EFNA5: variants seen among roughly 807,000 people sequenced by gnomAD.
EFNA5 encodes the protein ephrin-A5.
EFNA5 carries 5 observed loss-of-function variants against 22.9 expected under a neutral mutation model. That is an observed-to-expected ratio of 0.22 (90% confidence interval 0.11 to 0.46). The LOEUF (loss-of-function observed/expected upper bound fraction) is 0.46. EFNA5 is among the 20% of genes least tolerant of loss of function. EFNA5 has a pLI of 0.99. For missense variants in EFNA5, 237 were observed against 293.3 expected, an observed-to-expected ratio of 0.81 and a Z score of 1.40; for synonymous variants, 113 against 112.2, an observed-to-expected ratio of 1.01 and a Z score of -0.04.
At chr5:107,562,419 T>G (rs164846) in intron 1 of EFNA5, among the ~76,000 whole-genome samples, 37,752 of 151,934 alleles carry the variant, frequency 0.25, 5,222 homozygotes, top group South Asian at 0.39. Flanking sequence ...TTTTTCTAAA[T>G]CAGCATTCTA....
Position 107,380,847 on chromosome 5 carries a change from C to A in EFNA5, c.*408G>T, listed in dbSNP as rs1580411520. 1 of 409,154 alleles carries A rather than the reference C, an allele frequency of 2.4e-6. No homozygotes were observed. Among genetic ancestry groups the A allele is most frequent in the Non-Finnish European group, 4.3e-6 (1 of 231,644 alleles). The allele number at this position is 409,154 out of a possible 1,614,324, so 25.3% of individuals were successfully genotyped here. ...ATAGGAGAGCAAAACCCTCCCAGCC[C>A]TAGCCAGCGCTGGCTGCATCTGCCA... On this transcript the variant is annotated 3_prime_UTR_variant, in exon 5 of 5. Coordinates refer to ENST00000333274, the MANE Select transcript of EFNA5 (RefSeq NM_001962.3).
In EFNA5 at chr5:107,592,028, T is replaced by TAATATATAATATATAA. The variant is rs1561443294; in HGVS notation, c.125+78460_125+78461insTTATATATTATATATT. Among the ~76,000 whole-genome samples, 27 of 68,452 alleles carry TAATATATAATATATAA rather than the reference T, an allele frequency of 3.9e-4. 1 individual carries two copies. The highest frequency in any genetic ancestry group is 3.2e-3 in the African/African-American group (27 of 8,426). 44.9% of individuals were successfully genotyped at this position (68,452 alleles called of 152,430 possible). On this transcript the variant is annotated intron_variant, in intron 1 of 4. Transcript: ENST00000333274. ...TATAATATATATAATATAATATATATTATATATTATATATATTATACATTA... is the reference window on the plus strand; with the variant it reads ...TATAATATATATAATATAATATATATAATATATAATATATAATATATATTATATATATTATACATTA...
intron 2 of EFNA5, among the ~76,000 whole-genome samples, chr5:107,417,530 G>T (rs1348843440): frequency 1.3e-5 from 2 of 152,012 alleles, no homozygotes; most frequent in Non-Finnish European, 2.9e-5. Flanking sequence ...CAAGCCCAAA[G>T]GATACTCATG....
At chr5:107,495,690 G>A (rs1247229197) in intron 1 of EFNA5, among the ~76,000 whole-genome samples, 1 of 152,126 alleles carries the variant, frequency 6.6e-6, no homozygotes, top group African/African-American at 2.4e-5. Context: ...GAAACTCCTT[G>A]GCGCCTCCTC....
intron 1 of EFNA5, among the ~76,000 whole-genome samples, chr5:107,652,485 C>G (rs1292012113): frequency 6.6e-6 from 1 of 152,132 alleles, no homozygotes; most frequent in Non-Finnish European, 1.5e-5. Context: ...TGAAGCAGAA[C>G]AGTTTGATGA....
intron 1 of EFNA5, among the ~76,000 whole-genome samples, chr5:107,532,178 T>C (rs1296398905): frequency 1.3e-5 from 2 of 152,204 alleles, no homozygotes; most frequent in Non-Finnish European, 1.5e-5. Context: ...AATTATTTCT[T>C]ATCTAGAAGA....
At chr5:107,496,836 G>A (rs1179285216) in intron 1 of EFNA5, among the ~76,000 whole-genome samples, 1 of 152,164 alleles carries the variant, frequency 6.6e-6, no homozygotes, top group Non-Finnish European at 1.5e-5. Context: ...TTCAGACTAG[G>A]CCATAATCTC....
At chr5:107,421,796 CT>C (rs35309302) in intron 2 of EFNA5, among the ~76,000 whole-genome samples, 214 of 143,940 alleles carry the variant, frequency 1.5e-3, no homozygotes, top group Middle Eastern at 3.6e-3. Flanking sequence ...TTCTTTCTTT[CT>C]TTTTTTTTTT....
At chr5:107,572,591 C>T (rs1748839525) in intron 1 of EFNA5, among the ~76,000 whole-genome samples, 2 of 152,180 alleles carry the variant, frequency 1.3e-5, no homozygotes, top group East Asian at 3.8e-4. Flanking sequence ...TTAGAGTTTA[C>T]TATAACGTTA....
At chr5:107,619,498 T>C (rs1239254953) in intron 1 of EFNA5, among the ~76,000 whole-genome samples, 2 of 151,754 alleles carry the variant, frequency 1.3e-5, no homozygotes, top group East Asian at 1.9e-4. Flanking sequence ...AGTCTCTCTC[T>C]GTTGCCCAGG....
At chr5:107,573,996 C>A (rs1748871563) in intron 1 of EFNA5, among the ~76,000 whole-genome samples, 1 of 152,180 alleles carries the variant, frequency 6.6e-6, no homozygotes, top group Admixed American at 6.5e-5. Context: ...TTTAGCTGTT[C>A]TATTACACCC....
intron 1 of EFNA5, among the ~76,000 whole-genome samples, chr5:107,500,577 C>G (rs563624413): frequency 6.6e-6 from 1 of 152,204 alleles, no homozygotes; most frequent in Admixed American, 6.5e-5. Flanking sequence ...TGTTTCCACC[C>G]AACCCTATCC....
At chr5:107,660,469 A>G (rs1170460257) in intron 1 of EFNA5, among the ~76,000 whole-genome samples, 1 of 151,252 alleles carries the variant, frequency 6.6e-6, no homozygotes, top group Admixed American at 6.6e-5. Context: ...ACCAAGAAGA[A>G]CACTATCATG....
intron 1 of EFNA5, among the ~76,000 whole-genome samples, chr5:107,521,631 C>T (rs775367535): frequency 3.3e-5 from 5 of 151,762 alleles, no homozygotes; most frequent in Non-Finnish European, 7.4e-5. Context: ...AGTGATTGCG[C>T]GGCTTACTGG....
At chr5:107,575,439 G>A (rs952180571) in intron 1 of EFNA5, among the ~76,000 whole-genome samples, 1 of 152,140 alleles carries the variant, frequency 6.6e-6, no homozygotes, top group Non-Finnish European at 1.5e-5. Context: ...ACCTTTTCTA[G>A]TAATCCTTTG....
intron 2 of EFNA5, among the ~76,000 whole-genome samples, chr5:107,417,600 C>G (rs252983): frequency 6.6e-6 from 1 of 151,990 alleles, no homozygotes; most frequent in African/African-American, 2.4e-5. Flanking sequence ...AAAGAGAAAA[C>G]AGAAAACTTG....
chr5:107,533,027 C>T (rs1369246570), intron 1 of EFNA5, among the ~76,000 whole-genome samples: 2 of 152,080 alleles, frequency 1.3e-5, no homozygotes, highest in African/African-American at 4.8e-5. Flanking sequence ...CTGAGATGTA[C>T]CTTTTTTATT....
At chr5:107,534,807 T>C (rs1747895816) in intron 1 of EFNA5, among the ~76,000 whole-genome samples, 1 of 152,096 alleles carries the variant, frequency 6.6e-6, no homozygotes, top group African/African-American at 2.4e-5. Context: ...TACTAGCAAA[T>C]TTATCAGCCA....
intron 1 of EFNA5, among the ~76,000 whole-genome samples, chr5:107,525,114 A>G (rs1218196977): frequency 6.6e-6 from 1 of 152,194 alleles, no homozygotes; most frequent in East Asian, 1.9e-4. Context: ...GACTTTTGAC[A>G]GAAAATTTAA....
Sources: gnomAD v4.1 joint callset for allele counts (sites outside exome capture counted in the v4.1 genomes callset) on GRCh38, gnomAD v4.1.1 for gene constraint, MANE v1.5 for transcripts, NCBI Gene and HGNC (gene_info 2026-07-23, HGNC 2026-07-21) for gene names.